Variants in ALDH5A1 observed in about 807,000 individuals in gnomAD.
The protein encoded by ALDH5A1 is aldehyde dehydrogenase 5 family member A1, also known as succinate-semialdehyde dehydrogenase, mitochondrial.
A neutral mutation model predicts 54.7 loss-of-function variants in ALDH5A1; 33 were observed. That is an observed-to-expected ratio of 0.60 (90% CI 0.46 to 0.81). ALDH5A1 has a LOEUF of 0.81. Ranked by LOEUF, ALDH5A1 falls within the 30% of genes least tolerant of loss-of-function variation. The pLI is 0.00. For missense variants in ALDH5A1, 657 were observed against 711.0 expected, an observed-to-expected ratio of 0.92 and a Z score of 0.86; for synonymous variants, 294 against 292.7, an observed-to-expected ratio of 1.00 and a Z score of -0.05.
intron 7 of ALDH5A1, among the ~76,000 whole-genome samples, chr6:24,526,927 CTACTA>C: frequency 1.0e-5 from 1 of 99,098 alleles, no homozygotes. Flanking sequence ...CTATATATAT[CTACTA>C]TATATTCTAT....
chr6:24,523,939 G>T (rs1178321144), intron 7 of ALDH5A1, among the ~76,000 whole-genome samples: 2 of 150,708 alleles, frequency 1.3e-5, no homozygotes, highest in African/African-American at 2.4e-5. Context: ...ATCCATTTTG[G>T]AGTCACAAGA....
chr6:24,532,321 G>A, intron 9 of ALDH5A1, 144 bp downstream of exon 9: 2 of 834,706 alleles, frequency 2.4e-6, no homozygotes, highest in Non-Finnish European at 4.0e-6. Context: ...TGGTGGAATG[G>A]ATTTGGATTT....
At chr6:24,528,195 G>C in intron 8 of ALDH5A1, 29 bp downstream of exon 8, 7 of 1,612,696 alleles carry the variant, frequency 4.3e-6, no homozygotes, top group Non-Finnish European at 5.9e-6. Context: ...CGGGGAGATG[G>C]GAGGAAGAAT....
Position 24,527,681 on chromosome 6 carries a change from G to A in ALDH5A1, c.1174-316G>A, listed in dbSNP as rs7768735. ...GGGATCCAAGAAGCTAGAAATAACC[G>A]CAGAATGCAATGAAAGCAAATCCAA... On this transcript the variant is annotated intron_variant, in intron 7 of 9. Coordinates refer to ENST00000357578, the MANE Select transcript of ALDH5A1 (RefSeq NM_001080.3). 0.044 allele frequency among the ~76,000 whole-genome samples: 6,761 copies of A among 152,190 alleles called. 332 individuals carry two copies. The highest frequency in any genetic ancestry group is 0.12 in the African/African-American group (4,918 of 41,496).
intron 8 of ALDH5A1, among the ~76,000 whole-genome samples, chr6:24,531,174 CTTA>C (rs979975427): frequency 2.5e-4 from 38 of 152,310 alleles, no homozygotes; most frequent in African/African-American, 8.7e-4. Context: ...AGAAATCTTT[CTTA>C]TTATGTACTT....
At position 24,507,631 on chromosome 6, in the gene ALDH5A1, T is replaced by G. The variant is rs535367977; in HGVS notation, c.726+2646T>G. ...CTATAAAGTTTTCAGGATTTGTTCCTCACCATTGGTTTGGTTTTACTCCCT... is the reference window on the plus strand; with the variant it reads ...CTATAAAGTTTTCAGGATTTGTTCCGCACCATTGGTTTGGTTTTACTCCCT... On this transcript the variant is annotated intron_variant, in intron 4 of 9. Coordinates refer to ENST00000357578, the MANE Select transcript of ALDH5A1 (RefSeq NM_001080.3). 2.0e-4 allele frequency among the ~76,000 whole-genome samples: 31 copies of G among 152,208 alleles called. No homozygotes were observed. In the East Asian group the frequency reaches 4.6e-3, roughly 23 times the overall value.
rs749228768 is a variant in ALDH5A1, at chr6:24,515,201, A to G, written c.761A>G (p.Tyr254Cys). 4 of 1,608,016 alleles carry G rather than the reference A, an allele frequency of 2.5e-6. No individual in the cohort carries two copies. The South Asian group carries it at 4.4e-5, about 18-fold the overall frequency. ...ASQAGIPSGV[Y>C]NVIPCSRKNA... ...CAGGCTGGGATTCCTTCAGGTGTAT[A>G]CAATGTTATTCCCTGTTCTCGAAAG... The change falls in exon 5 of 10, where the codon TAC becomes TGC. Residue 254 changes from tyrosine to cysteine, a missense_variant. Tyr to Cys is a radical substitution (Grantham distance 194). Around this residue, in one of 2 missense-constraint regions of ALDH5A1, gnomAD observed 425 missense variants for 516.4 expected, o/e 0.82. Transcript: ENST00000357578.
At chr6:24,496,125 C>G (rs1033592805) in intron 1 of ALDH5A1, among the ~76,000 whole-genome samples, 40 of 152,310 alleles carry the variant, frequency 2.6e-4, no homozygotes, top group African/African-American at 8.4e-4. Flanking sequence ...ATGCATCCAG[C>G]GATCCCTACG....
In ALDH5A1 at chr6:24,515,195, G is replaced by C. The variant is rs976950675; in HGVS notation, c.755G>C (p.Gly252Ala). 1 of 1,610,792 alleles carries C rather than the reference G, an allele frequency of 6.2e-7. No homozygotes were observed. Among genetic ancestry groups the C allele is most frequent in the Non-Finnish European group, 8.5e-7 (1 of 1,179,326 alleles). ...ELASQAGIPS[G>A]VYNVIPCSRK... ...GCAAGCCAGGCTGGGATTCCTTCAGGTGTATACAATGTTATTCCCTGTTCT... is the reference window on the plus strand; with the variant it reads ...GCAAGCCAGGCTGGGATTCCTTCAGCTGTATACAATGTTATTCCCTGTTCT... Residue 252 changes from glycine (G) to alanine (A), a missense_variant, in exon 5 of 10, where the codon GGT becomes GCT. Gly to Ala is a moderately conservative substitution (Grantham distance 60). Coordinates refer to ENST00000357578, the MANE Select transcript of ALDH5A1 (RefSeq NM_001080.3).
At chr6:24,508,714 G>T (rs1759408167) in intron 4 of ALDH5A1, among the ~76,000 whole-genome samples, 1 of 152,176 alleles carries the variant, frequency 6.6e-6, no homozygotes, top group African/African-American at 2.4e-5. Flanking sequence ...CATAGTGGTT[G>T]TACTAGTTTA....
rs976482907 is a variant in ALDH5A1, at chr6:24,520,473, G to A, written c.943G>A (p.Val315Ile). ...GCTGGGCGGCCTTGCTCCATTTATA[G>A]TATTTGACAGTGCCAACGTGGACCA... The part of the protein sequence containing the change: ...MELGGLAPFI[V>I]FDSANVDQAV... The change falls in exon 6 of 10, where the codon GTA becomes ATA. Residue 315 changes from valine to isoleucine, a missense_variant. Transcript: ENST00000357578. 11 of 1,614,202 alleles carry A rather than the reference G, an allele frequency of 6.8e-6. No individual in the cohort carries two copies. The highest frequency in any genetic ancestry group is 9.3e-6 in the Non-Finnish European group (11 of 1,180,052).
chr6:24,514,064 G>A (rs1347450962), intron 4 of ALDH5A1, among the ~76,000 whole-genome samples: 2 of 152,216 alleles, frequency 1.3e-5, no homozygotes, highest in African/African-American at 4.8e-5. Context: ...TAAGCTAATT[G>A]TTAATGGAAT....
intron 2 of ALDH5A1, 80 bp downstream of exon 2, chr6:24,502,686 C>G: frequency 1.0e-6 from 1 of 992,652 alleles, no homozygotes; most frequent in Non-Finnish European, 1.6e-6. Context: ...CCGCTGACTT[C>G]CCTTCACTGC....
At chr6:24,505,807 A>G (rs1481126967) in intron 4 of ALDH5A1, among the ~76,000 whole-genome samples, 5 of 152,050 alleles carry the variant, frequency 3.3e-5, no homozygotes, top group East Asian at 3.9e-4. Flanking sequence ...TGTCTCTACT[A>G]AAAATACAAA....
chr6:24,500,823 G>A (rs150693119), intron 1 of ALDH5A1, among the ~76,000 whole-genome samples: 109 of 152,126 alleles, frequency 7.2e-4, no homozygotes, highest in African/African-American at 2.3e-3. Context: ...ACTTGAAATT[G>A]GATCTCTATT....
intron 1 of ALDH5A1, among the ~76,000 whole-genome samples, chr6:24,500,009 C>T (rs1041053031): frequency 5.9e-5 from 9 of 152,064 alleles, no homozygotes; most frequent in Non-Finnish European, 1.3e-4. Flanking sequence ...GATCTCACCG[C>T]ATTGCCCAAG....
chr6:24,495,000 G>C lies in ALDH5A1; in HGVS notation c.4G>C (p.Ala2Pro). 7.6e-7 allele frequency: 1 copy of C among 1,319,178 alleles called. No individual in the cohort carries two copies. Among genetic ancestry groups the C allele is most frequent in the Admixed American group, 3.1e-5 (1 of 32,496 alleles). The allele number at this position is 1,319,178 out of a possible 1,614,324, so 81.7% of individuals were successfully genotyped here. ...TGTCGCCGTCGTTGCCCGGGCCATG[G>C]CGACCTGCATTTGGCTGCGGAGCTG... M[A>P]TCIWLRSCGA... Residue 2 changes from alanine to proline, a missense_variant, in exon 1 of 10, where the codon GCG becomes CCG. This residue lies in a region of ALDH5A1 where 232 missense variants were observed against 194.6 expected (regional missense o/e 1.19). Transcript: ENST00000357578.
intron 1 of ALDH5A1, among the ~76,000 whole-genome samples, chr6:24,496,019 G>T (rs1764697234): frequency 6.6e-6 from 1 of 152,198 alleles, no homozygotes; most frequent in Non-Finnish European, 1.5e-5. Context: ...AGAAAACTAA[G>T]AAAGTAGTTT....
At chr6:24,521,967 A>G (rs1389419847) in intron 6 of ALDH5A1, among the ~76,000 whole-genome samples, 1 of 150,910 alleles carries the variant, frequency 6.6e-6, no homozygotes, top group Non-Finnish European at 1.5e-5. Flanking sequence ...CCCGGATTCA[A>G]GAGATTCTCC....
Sources: allele counts gnomAD v4.1 joint callset (sites outside exome capture counted in the v4.1 genomes callset), GRCh38; gene constraint gnomAD v4.1.1; regional missense constraint gnomAD v4.1.1; transcripts MANE v1.5; gene names NCBI Gene and HGNC (gene_info 2026-07-23, HGNC 2026-07-21).